The following DYM variants were observed in gnomAD, a reference collection of about 807,000 sequenced individuals.
The protein encoded by DYM is dymeclin.
DYM carries 78 observed loss-of-function variants against 93.1 expected under a neutral mutation model. That is an observed-to-expected ratio of 0.84 (90% CI 0.70 to 1.01). The LOEUF is 1.01. Among genes scored for constraint, DYM ranks in the 50% least tolerant of loss-of-function variants. The pLI is 0.00. For missense variants in DYM, 789 were observed against 845.0 expected, an observed-to-expected ratio of 0.93 and a Z score of 0.82; for synonymous variants, 321 against 319.7, an observed-to-expected ratio of 1.00 and a Z score of -0.04.
intron 14 of DYM, among the ~76,000 whole-genome samples, chr18:49,198,427 C>T (rs893940913): frequency 3.3e-5 from 5 of 152,080 alleles, no homozygotes; most frequent in African/African-American, 1.2e-4. Flanking sequence ...AAGAAACTAC[C>T]ATCAGAGTGA....
rs1568120082 is a variant in DYM, at chr18:49,258,837, C to CAGAGAGAG, written c.1252-345_1252-344insCTCTCTCT. Among the ~76,000 whole-genome samples the CAGAGAGAG allele has an allele frequency of 2.2e-5, 3 of 138,140 alleles. No individual in the cohort carries two copies. The South Asian group carries it at 7.5e-4, about 35-fold the overall frequency. 90.6% of individuals were successfully genotyped at this position (138,140 alleles called of 152,430 possible). A position where few individuals can be genotyped will look rare whatever the true frequency, so the allele number is the denominator to read the frequency against. On this transcript the variant is annotated intron_variant, in intron 11 of 17. Transcript: ENST00000675505. ...ACACACACACAGAGACACACACACACACAGAGAGAGAGAGAGAGAGAGAGA... is the reference window on the plus strand; with the variant it reads ...ACACACACACAGAGACACACACACACAGAGAGAGACAGAGAGAGAGAGAGAGAGAGAGA...
intron 2 of DYM, among the ~76,000 whole-genome samples, chr18:49,410,188 C>A (rs961492520): frequency 1.4e-4 from 21 of 152,106 alleles, no homozygotes; most frequent in Non-Finnish European, 2.5e-4. Context: ...ACCTCAGCCT[C>A]CCGAGTAGCC....
At chr18:49,121,630 A>G (rs940098540) in intron 15 of DYM, among the ~76,000 whole-genome samples, 1 of 152,178 alleles carries the variant, frequency 6.6e-6, no homozygotes, top group Non-Finnish European at 1.5e-5. Flanking sequence ...TCAAATTATT[A>G]AAGACCAAGA....
intron 15 of DYM, among the ~76,000 whole-genome samples, chr18:49,128,321 T>G (rs952826350): frequency 4.6e-5 from 7 of 152,224 alleles, no homozygotes; most frequent in African/African-American, 1.7e-4. Context: ...GTGTTCTGTT[T>G]TTAAAAGTTC....
intron 13 of DYM, among the ~76,000 whole-genome samples, chr18:49,254,203 A>G (rs1050204112): frequency 2.0e-5 from 3 of 150,324 alleles, no homozygotes; most frequent in Non-Finnish European, 4.4e-5. Context: ...CTCCATAGCA[A>G]TTTTTCTTTC....
intron 8 of DYM, 122 bp from the exon 9 acceptor site, chr18:49,286,738 A>G (rs1427345274): frequency 2.1e-6 from 2 of 971,852 alleles, no homozygotes; most frequent in East Asian, 5.2e-5. Flanking sequence ...TAGAACAAGA[A>G]TCATGTCTAT....
chr18:49,209,860 TAAA>T (rs1193862018), intron 13 of DYM, 145 bp from the exon 14 acceptor site: 11 of 442,268 alleles, frequency 2.5e-5, no homozygotes, highest in Non-Finnish European at 3.6e-5. Flanking sequence ...AATAAAAAGT[TAAA>T]AAAGAAAATG....
chr18:49,160,754 A>G (rs1273163073), intron 15 of DYM, among the ~76,000 whole-genome samples: 1 of 152,230 alleles, frequency 6.6e-6, no homozygotes, highest in Non-Finnish European at 1.5e-5. Flanking sequence ...AGGAAGGAAC[A>G]TGTTCATTTT....
chr18:49,171,679 C>A (rs1315972066), intron 14 of DYM, among the ~76,000 whole-genome samples: 1 of 152,080 alleles, frequency 6.6e-6, no homozygotes, highest in Non-Finnish European at 1.5e-5. Flanking sequence ...GACACTGATT[C>A]CCTCTACGTG....
intron 15 of DYM, among the ~76,000 whole-genome samples, chr18:49,136,114 C>T (rs1303568309): frequency 6.6e-6 from 1 of 152,258 alleles, no homozygotes; most frequent in Non-Finnish European, 1.5e-5. Flanking sequence ...TGGAAACTCC[C>T]TGTGGCCCAG....
chr18:49,326,875 G>T (rs2062916853), intron 8 of DYM, among the ~76,000 whole-genome samples: 1 of 152,076 alleles, frequency 6.6e-6, no homozygotes, highest in African/African-American at 2.4e-5. Flanking sequence ...ACTGAAGCTG[G>T]TAAGTATACT....
intron 13 of DYM, among the ~76,000 whole-genome samples, chr18:49,232,095 C>A (rs1471928975): frequency 6.6e-6 from 1 of 152,072 alleles, no homozygotes; most frequent in African/African-American, 2.4e-5. Flanking sequence ...TGTTCCCCTG[C>A]CTTTTACCTA....
At position 49,351,745 on chromosome 18, in the gene DYM, A is replaced by G. The variant is rs574701748; in HGVS notation, c.494+11416T>C. ...ACTAGCCTACCTATCATTCAAAGGT[A>G]GACATACAAGACAAATACATACAAA... On this transcript the variant is annotated intron_variant, in intron 6 of 17. Coordinates refer to ENST00000675505, the MANE Select transcript of DYM (RefSeq NM_001353214.3). 6.6e-5 allele frequency among the ~76,000 whole-genome samples: 10 copies of G among 152,356 alleles called. No homozygotes were observed. The South Asian group carries it at 1.4e-3, about 22-fold the overall frequency.
intron 11 of DYM, among the ~76,000 whole-genome samples, chr18:49,260,379 T>C (rs568430755): frequency 2.0e-5 from 3 of 152,294 alleles, no homozygotes; most frequent in African/African-American, 2.4e-5. Flanking sequence ...GTGAGCACTA[T>C]GGAAAATTAA....
At chr18:49,309,183 G>T (rs2061444050) in intron 8 of DYM, among the ~76,000 whole-genome samples, 1 of 152,128 alleles carries the variant, frequency 6.6e-6, no homozygotes, top group African/African-American at 2.4e-5. Flanking sequence ...GATATGAAAA[G>T]AACAGAAAAT....
intron 14 of DYM, among the ~76,000 whole-genome samples, chr18:49,179,470 C>T (rs923133768): frequency 5.3e-5 from 8 of 152,238 alleles, no homozygotes; most frequent in Non-Finnish European, 1.2e-4. Context: ...TGCTTACAAA[C>T]CATGTCACAA....
chr18:49,073,140 A>C (rs1206262032), intron 17 of DYM, among the ~76,000 whole-genome samples: 5 of 152,268 alleles, frequency 3.3e-5, no homozygotes, highest in Non-Finnish European at 5.9e-5. Flanking sequence ...AAAGTGCCTC[A>C]AAGTATTGAA....
chr18:49,319,406 G>A (rs2062293786), intron 8 of DYM, among the ~76,000 whole-genome samples: 1 of 152,078 alleles, frequency 6.6e-6, no homozygotes, highest in African/African-American at 2.4e-5. Context: ...CTAAAAAAGG[G>A]GAAATTACAT....
intron 13 of DYM, among the ~76,000 whole-genome samples, chr18:49,256,560 C>A (rs1388301982): frequency 6.6e-6 from 1 of 152,128 alleles, no homozygotes; most frequent in Non-Finnish European, 1.5e-5. Context: ...TTAAAATGAC[C>A]AGTTTGCGCT....
Sources: allele counts gnomAD v4.1 joint callset (sites outside exome capture counted in the v4.1 genomes callset), GRCh38; gene constraint gnomAD v4.1.1; transcripts MANE v1.5; gene names NCBI Gene and HGNC (gene_info 2026-07-23, HGNC 2026-07-21).